Variants in ARHGAP5 observed in about 807,000 individuals in gnomAD.
The protein encoded by ARHGAP5 is rho GTPase-activating protein 5.
In ARHGAP5, 23 loss-of-function variants were observed where a neutral mutation model predicts 116.6. The ratio of observed to expected loss-of-function variants is 0.20; its 90% CI spans 0.14 to 0.28. The LOEUF (loss-of-function observed/expected upper bound fraction) is 0.28, where lower values mean the gene tolerates loss of function less well. Among genes scored for constraint, ARHGAP5 ranks in the 10% least tolerant of loss-of-function variants. The pLI, the probability that ARHGAP5 is intolerant of heterozygous loss-of-function variation, is 1.00. For synonymous variants in ARHGAP5, 574 were observed against 602.0 expected, an observed-to-expected ratio of 0.95 and a Z score of 0.68; for missense variants, 1,405 against 1,774.8, an observed-to-expected ratio of 0.79 and a Z score of 3.74.
rs371137927 is a variant in ARHGAP5, at chr14:32,093,021, C to T, written c.2352C>T (p.Ala784=). The T allele has an allele frequency of 1.4e-4, 227 of 1,613,894 alleles. No individual in the cohort carries two copies. Among genetic ancestry groups the T allele is most frequent in the Non-Finnish European group, 1.9e-4 (224 of 1,179,958 alleles). ...CTGACTTGAGAATTGTCATGTGCGC[C>T]ATGTGTGGAGATCCATTTAGTGTGG... The part of the protein sequence containing the change: ...SEADLRIVMC[A]MCGDPFSVDL... Residue 784 remains alanine, a synonymous_variant, in exon 2 of 7, where the codon GCC becomes GCT. Transcript: ENST00000345122.
intron 3 of ARHGAP5, among the ~76,000 whole-genome samples, chr14:32,123,019 A>G (rs1879966363): frequency 6.6e-6 from 1 of 152,092 alleles, no homozygotes; most frequent in Non-Finnish European, 1.5e-5. Flanking sequence ...ACTGCTTGTT[A>G]TGATATCTCA....
In ARHGAP5 at chr14:32,093,240, A is replaced by C; in HGVS notation, c.2571A>C (p.Ala857=). 9 of 1,613,824 alleles carry C rather than the reference A, an allele frequency of 5.6e-6. No homozygotes were observed. The highest frequency in any genetic ancestry group is 7.6e-6 in the Non-Finnish European group (9 of 1,179,850). ...ATGGGTATATATTAGTTTACTCTGC[A>C]AAACGGAAAGCTTCGATGGGAATGC... is the stretch of plus-strand genomic sequence containing the variant. ...LVHGYILVYS[A]KRKASMGMLR... Residue 857 remains alanine, a synonymous_variant, in exon 2 of 7, where the codon GCA becomes GCC. Coordinates refer to ENST00000345122, the MANE Select transcript of ARHGAP5 (RefSeq NM_001030055.2).
At chr14:32,102,725 C>T (rs1209341915) in intron 2 of ARHGAP5, among the ~76,000 whole-genome samples, 1 of 152,186 alleles carries the variant, frequency 6.6e-6, no homozygotes, top group Non-Finnish European at 1.5e-5. Context: ...TACTCTGTGT[C>T]ATAGTGTGAT....
intron 1 of ARHGAP5, among the ~76,000 whole-genome samples, chr14:32,084,730 T>C (rs546447141): frequency 1.3e-4 from 20 of 152,326 alleles, no homozygotes; most frequent in African/African-American, 3.4e-4. Context: ...ATAATGACTT[T>C]TTAGGGCTCA....
intron 3 of ARHGAP5, among the ~76,000 whole-genome samples, chr14:32,137,315 T>C (rs1172198925): frequency 6.6e-6 from 1 of 150,742 alleles, no homozygotes; most frequent in Non-Finnish European, 1.5e-5. Context: ...GCACTATTTA[T>C]TGCGAAGAGT....
At chr14:32,136,114 C>G (rs1880779184) in intron 3 of ARHGAP5, among the ~76,000 whole-genome samples, 1 of 152,040 alleles carries the variant, frequency 6.6e-6, no homozygotes, top group African/African-American at 2.4e-5. Context: ...CCAGCATGGG[C>G]TTTTAGAATT....
Position 32,157,806 on chromosome 14 carries a change from G to GT in ARHGAP5, c.*2865dup, listed in dbSNP as rs1385991135. 4.7e-5 allele frequency: 7 copies of GT among 150,130 alleles called. No homozygotes were observed. The highest frequency in any genetic ancestry group is 4.0e-4 in the Admixed American group (6 of 15,076). 9.3% of individuals were successfully genotyped at this position (150,130 alleles called of 1,614,324 possible). On this transcript the variant is annotated 3_prime_UTR_variant, in exon 7 of 7. Coordinates refer to ENST00000345122, the MANE Select transcript of ARHGAP5 (RefSeq NM_001030055.2). ...CTGTATGTAAATAATGTAGACCTGG[G>GT]TTTTTTTGTTTATTTGGGTTTGTTT...
chr14:32,127,794 C>T (rs1025202181), intron 3 of ARHGAP5, among the ~76,000 whole-genome samples: 4 of 149,946 alleles, frequency 2.7e-5, no homozygotes, highest in South Asian at 2.1e-4. Context: ...CGGCTGGAGG[C>T]GCCCCCCACC....
intron 4 of ARHGAP5, among the ~76,000 whole-genome samples, chr14:32,148,861 C>T (rs1318832908): frequency 6.6e-6 from 1 of 152,018 alleles, no homozygotes; most frequent in Non-Finnish European, 1.5e-5. Context: ...AGCAAATTAA[C>T]CTTATGATAC....
intron 3 of ARHGAP5, among the ~76,000 whole-genome samples, chr14:32,128,440 C>T (rs1055392508): frequency 6.6e-6 from 1 of 152,270 alleles, no homozygotes; most frequent in African/African-American, 2.4e-5. Context: ...CGTGGCCCGC[C>T]TTGTCACCAT....
chr14:32,129,478 C>A (rs1293711286), intron 3 of ARHGAP5, among the ~76,000 whole-genome samples: 1 of 152,138 alleles, frequency 6.6e-6, no homozygotes, highest in Non-Finnish European at 1.5e-5. Context: ...GAAGGATAAA[C>A]ATTAATAGCC....
At chr14:32,113,499 T>C (rs944737898) in intron 2 of ARHGAP5, among the ~76,000 whole-genome samples, 8 of 152,174 alleles carry the variant, frequency 5.3e-5, no homozygotes, top group African/African-American at 1.9e-4. Flanking sequence ...AGCCTTTCAT[T>C]ACATTAGATT....
Position 32,091,970 on chromosome 14 carries a change from T to G in ARHGAP5, c.1301T>G (p.Phe434Cys), listed in dbSNP as rs773107284. ...EKRRVEMKEK[F>C]KKTLEKIQFI... The stretch of plus-strand genomic sequence containing the variant: ...AGGAGGGTGGAAATGAAGGAAAAAT[T>G]CAAAAAGACTTTGGAAAAAATTCAA... Residue 434 changes from phenylalanine to cysteine, a missense_variant, in exon 2 of 7, where the codon TTC becomes TGC. Phe to Cys is a radical substitution (Grantham distance 205). Coordinates refer to ENST00000345122, the MANE Select transcript of ARHGAP5 (RefSeq NM_001030055.2). 3.1e-6 allele frequency: 5 copies of G among 1,613,464 alleles called. No individual in the cohort carries two copies. Among genetic ancestry groups the G allele is most frequent in the Non-Finnish European group, 4.2e-6 (5 of 1,179,670 alleles).
At chr14:32,127,281 G>A (rs1880212397) in intron 3 of ARHGAP5, among the ~76,000 whole-genome samples, 1 of 152,040 alleles carries the variant, frequency 6.6e-6, no homozygotes, top group Admixed American at 6.6e-5. Flanking sequence ...ATAAACATGT[G>A]AACAAAGGTC....
intron 2 of ARHGAP5, among the ~76,000 whole-genome samples, chr14:32,100,786 C>A (rs1226364975): frequency 2.6e-5 from 4 of 152,100 alleles, no homozygotes; most frequent in Admixed American, 2.0e-4. Flanking sequence ...TTCTTAAAAT[C>A]TGAATTAATT....
intron 1 of ARHGAP5, among the ~76,000 whole-genome samples, chr14:32,089,972 AAAG>A (rs1293680664): frequency 5.9e-5 from 9 of 152,046 alleles, no homozygotes; most frequent in Non-Finnish European, 1.2e-4. Context: ...ATTTTTTAAA[AAAG>A]ACTTGAAATT....
intron 3 of ARHGAP5, among the ~76,000 whole-genome samples, chr14:32,127,522 A>G (rs918794409): frequency 2.6e-5 from 4 of 152,250 alleles, no homozygotes; most frequent in Non-Finnish European, 5.9e-5. Flanking sequence ...ATCCCAAGGC[A>G]GAAGAATTTT....
At chr14:32,077,515 C>A in intron 1 of ARHGAP5, 80 bp downstream of exon 1, 1 of 650,702 alleles carries the variant, frequency 1.5e-6, no homozygotes, top group South Asian at 1.6e-5. Context: ...AGCTGCCCCG[C>A]TCGGTCGCCG....
intron 1 of ARHGAP5, among the ~76,000 whole-genome samples, chr14:32,083,944 A>G (rs2041803841): frequency 6.6e-6 from 1 of 152,210 alleles, no homozygotes; most frequent in African/African-American, 2.4e-5. Context: ...TGACAAAGTT[A>G]AACTGATAGT....
Sources: allele counts gnomAD v4.1 joint callset (sites outside exome capture counted in the v4.1 genomes callset), GRCh38; gene constraint gnomAD v4.1.1; transcripts MANE v1.5; gene names NCBI Gene and HGNC (gene_info 2026-07-23, HGNC 2026-07-21).